PTPRN2: variants seen among roughly 807,000 people sequenced by gnomAD.
The protein encoded by PTPRN2 is receptor-type tyrosine-protein phosphatase N2.
A neutral mutation model predicts 118.8 loss-of-function variants in PTPRN2; 74 were observed. That is an observed-to-expected ratio of 0.62 (90% CI 0.52 to 0.76). PTPRN2 has a LOEUF of 0.76. Ranked by LOEUF, PTPRN2 falls within the 30% of genes least tolerant of loss-of-function variation. PTPRN2 has a pLI of 0.00. For missense variants in PTPRN2, 1,481 were observed against 1,394.4 expected (o/e 1.06, Z -0.99); for synonymous variants, 641 against 608.0 (o/e 1.05, Z -0.80).
intron 3 of PTPRN2, among the ~76,000 whole-genome samples, chr7:158,289,207 A>G (rs913393747): frequency 3.9e-5 from 6 of 152,164 alleles, no homozygotes; most frequent in Admixed American, 2.0e-4. Context: ...CTAGATATTT[A>G]TATATTTCCC....
chr7:158,102,797 C>T (rs1284160453), intron 10 of PTPRN2, among the ~76,000 whole-genome samples: 1 of 152,124 alleles, frequency 6.6e-6, no homozygotes, highest in East Asian at 1.9e-4. Context: ...GAGCCGGGTT[C>T]AGGACATAGA....
Position 157,682,769 on chromosome 7 carries a change from C to T in PTPRN2, c.1957G>A (p.Gly653Arg), listed in dbSNP as rs1451265025. 1 of 1,614,052 alleles carries T rather than the reference C, an allele frequency of 6.2e-7. No homozygotes were observed. ...TCTGCACCTGGGTCGCCCCCTAGTC[C>T]CGAGAGCTTCTCCTTCAGCCTGTGC... ...SQHRLKEKLS[G>R]LGGDPGADAT... The change falls in exon 13 of 23, where the codon GGA becomes AGA. Residue 653 changes from glycine to arginine, a missense_variant. Gly to Arg is a moderately radical substitution (Grantham distance 125). Around this residue, in one of 3 missense-constraint regions of PTPRN2, gnomAD observed 1,115 missense variants for 994.2 expected, o/e 1.12. Coordinates refer to ENST00000389418, the MANE Select transcript of PTPRN2 (RefSeq NM_002847.5).
At chr7:157,938,839 G>T in intron 11 of PTPRN2, among the ~76,000 whole-genome samples, 1 of 152,220 alleles carries the variant, frequency 6.6e-6, no homozygotes, top group East Asian at 1.9e-4. Flanking sequence ...AAAAGGGAGG[G>T]TTTTAAATCT....
chr7:157,656,565 G>A lies in PTPRN2; in HGVS notation c.2002-14C>T, dbSNP rs1262117267. On this transcript the variant is annotated splice_polypyrimidine_tract_variant and intron_variant, in intron 13 of 22. Transcript: ENST00000389418. Reference sequence around the variant, plus strand: ...GCGGCACAGCTCCTGCAGGACAGGGGGAGGAAGAGCAGGGGGTTAGTGGCA... The same window carrying A: ...GCGGCACAGCTCCTGCAGGACAGGGAGAGGAAGAGCAGGGGGTTAGTGGCA... 2.6e-6 allele frequency: 4 copies of A among 1,527,396 alleles called. No homozygotes were observed. Among genetic ancestry groups the A allele is most frequent in the Non-Finnish European group, 3.5e-6 (4 of 1,139,518 alleles). 94.6% of individuals were successfully genotyped at this position (1,527,396 alleles called of 1,614,324 possible). A position where few individuals can be genotyped will look rare whatever the true frequency, so the allele number is the denominator to read the frequency against.
intron 6 of PTPRN2, among the ~76,000 whole-genome samples, chr7:158,149,159 T>C: frequency 1.3e-5 from 2 of 150,658 alleles, no homozygotes; most frequent in Non-Finnish European, 3.0e-5. Flanking sequence ...TCCCCCTCAG[T>C]GACACCCCAT....
chr7:158,019,283 T>A (rs1162933238), intron 11 of PTPRN2, among the ~76,000 whole-genome samples: 2 of 152,272 alleles, frequency 1.3e-5, no homozygotes, highest in Non-Finnish European at 2.9e-5. Context: ...ATATTTATTT[T>A]GTTTCAAGCA....
intron 2 of PTPRN2, among the ~76,000 whole-genome samples, chr7:158,340,851 C>T (rs1183019132): frequency 3.3e-5 from 3 of 92,206 alleles, no homozygotes; most frequent in Non-Finnish European, 4.7e-5. Flanking sequence ...TAAGAGCTGA[C>T]ACATGCAGAC....
intron 10 of PTPRN2, among the ~76,000 whole-genome samples, chr7:158,106,712 C>T (rs1367439218): frequency 2.6e-5 from 4 of 152,182 alleles, no homozygotes; most frequent in South Asian, 2.1e-4. Flanking sequence ...GATAGAGTGC[C>T]TGTTACATGA....
chr7:158,131,957 G>A (rs971356214), intron 9 of PTPRN2, among the ~76,000 whole-genome samples: 4 of 142,956 alleles, frequency 2.8e-5, no homozygotes, highest in Non-Finnish European at 6.1e-5. Context: ...ATGCAAATAC[G>A]CACAGATACA....
At chr7:158,110,364 G>T (rs1439628898) in intron 10 of PTPRN2, among the ~76,000 whole-genome samples, 1 of 152,236 alleles carries the variant, frequency 6.6e-6, no homozygotes, top group African/African-American at 2.4e-5. Flanking sequence ...AGGTCACGCT[G>T]AGACCATGGC....
At chr7:157,809,825 A>G (rs1446704631) in intron 12 of PTPRN2, among the ~76,000 whole-genome samples, 3 of 152,186 alleles carry the variant, frequency 2.0e-5, no homozygotes, top group African/African-American at 7.2e-5. Context: ...AGTTTGTGGC[A>G]CTTTGACCCC....
chr7:158,371,784 C>T (rs921607), intron 2 of PTPRN2, among the ~76,000 whole-genome samples: 120,735 of 152,182 alleles, frequency 0.79, 48,483 homozygotes, highest in East Asian at 0.99. Flanking sequence ...AATTTCCAAC[C>T]GTAGGTGAAT....
At chr7:158,146,620 C>G (rs1820055135) in intron 6 of PTPRN2, among the ~76,000 whole-genome samples, 1 of 149,028 alleles carries the variant, frequency 6.7e-6, no homozygotes, top group East Asian at 2.0e-4. Flanking sequence ...ACTCAGGAGC[C>G]TGAGGCAGAA....
At chr7:157,858,121 C>T (rs1809895624) in intron 12 of PTPRN2, among the ~76,000 whole-genome samples, 1 of 104,150 alleles carries the variant, frequency 9.6e-6, no homozygotes, top group African/African-American at 3.7e-5. Context: ...CTCCCAGCCA[C>T]CACCCACACT....
At chr7:157,768,902 G>A (rs73165835) in intron 12 of PTPRN2, among the ~76,000 whole-genome samples, 17,233 of 152,162 alleles carry the variant, frequency 0.11, 1,070 homozygotes, top group Middle Eastern at 0.16. Flanking sequence ...GTTACTCGGC[G>A]AAGTCGACAC....
Position 157,787,540 on chromosome 7 carries a change from C to T in PTPRN2, c.1789-104603G>A, listed in dbSNP as rs928908882. 2.6e-5 allele frequency among the ~76,000 whole-genome samples: 4 copies of T among 152,166 alleles called. No individual in the cohort carries two copies. Among genetic ancestry groups the T allele is most frequent in the Non-Finnish European group, 4.4e-5 (3 of 68,010 alleles). ...CCAGGAGAGCCCCTGGGCCTCACGT[C>T]CTGCTTCTCTCCTTGTCCTTCATGT... is the stretch of plus-strand genomic sequence containing the variant. On this transcript the variant is annotated intron_variant, in intron 12 of 22. Transcript: ENST00000389418. This position sits in a 1 kb window ranked among gnomAD's most constrained non-coding sequence, Gnocchi z 5.3.
chr7:158,106,252 T>TC (rs1023904490), intron 10 of PTPRN2, among the ~76,000 whole-genome samples: 3 of 151,836 alleles, frequency 2.0e-5, no homozygotes, highest in African/African-American at 4.8e-5. Flanking sequence ...CCCTCTAGCT[T>TC]CCCCCCAGCT....
chr7:157,699,267 C>T (rs1217887296), intron 12 of PTPRN2, among the ~76,000 whole-genome samples: 2 of 152,170 alleles, frequency 1.3e-5, no homozygotes, highest in Non-Finnish European at 2.9e-5. Context: ...AATGAAAGAA[C>T]AGCAACAGCC....
chr7:158,144,310 A>G (rs895892610), intron 6 of PTPRN2, among the ~76,000 whole-genome samples: 4 of 152,200 alleles, frequency 2.6e-5, no homozygotes, highest in Non-Finnish European at 5.9e-5. Flanking sequence ...GAGTGGCTAC[A>G]GTGTTGCCAG....
Sources: allele counts gnomAD v4.1 joint callset (sites outside exome capture counted in the v4.1 genomes callset), GRCh38; gene constraint gnomAD v4.1.1; regional missense constraint gnomAD v4.1.1; non-coding constraint Gnocchi (gnomAD v3.1); transcripts MANE v1.5; gene names NCBI Gene and HGNC (gene_info 2026-07-23, HGNC 2026-07-21).